TNFRSF10A: variants seen among roughly 807,000 people sequenced by gnomAD.
TNFRSF10A encodes tumor necrosis factor receptor superfamily member 10A.
In TNFRSF10A, 44 loss-of-function variants were observed where a neutral mutation model predicts 42.8. The observed-to-expected ratio is 1.03, with a 90% CI of 0.81 to 1.32. The LOEUF (loss-of-function observed/expected upper bound fraction) is 1.32. Ranked by LOEUF, TNFRSF10A falls within the 40% of genes most tolerant of loss-of-function variation. The pLI is 0.00. For synonymous variants in TNFRSF10A, 259 were observed against 234.2 expected (o/e 1.11, Z -0.97); for missense variants, 680 against 602.0 (o/e 1.13, Z -1.36).
chr8:23,212,075 AAG>A (rs1801099793), intron 2 of TNFRSF10A, 39 bp downstream of exon 2: 1 of 1,548,356 alleles, frequency 6.5e-7, no homozygotes, highest in African/African-American at 1.4e-5. Context: ...GGGTAAGGAA[AAG>A]AGAGGTGTAA....
At chr8:23,214,027 C>G (rs1042745870) in intron 1 of TNFRSF10A, among the ~76,000 whole-genome samples, 1 of 151,756 alleles carries the variant, frequency 6.6e-6, no homozygotes, top group Non-Finnish European at 1.5e-5. Flanking sequence ...TGTCATCTGT[C>G]TCAAGATATT....
At position 23,199,341 on chromosome 8, in the gene TNFRSF10A, C is replaced by T; in HGVS notation, c.939G>A (p.Gln313=). The T allele has an allele frequency of 1.2e-6, 2 of 1,614,216 alleles. No individual in the cohort carries two copies. The highest frequency in any genetic ancestry group is 2.2e-5 in the East Asian group (1 of 44,886). Reference sequence around the variant, plus strand: ...CTGCCGGCTCCTGGCTTTCCATTTGCTGCTCAGAGACGAAAGTGGACAGCG... The same window carrying T: ...CTGCCGGCTCCTGGCTTTCCATTTGTTGCTCAGAGACGAAAGTGGACAGCG... ...ADSLSTFVSE[Q]QMESQEPADL... The change falls in exon 8 of 10, where the codon CAG becomes CAA. Residue 313 remains glutamine, a synonymous_variant. Transcript: ENST00000221132.
intron 1 of TNFRSF10A, among the ~76,000 whole-genome samples, chr8:23,212,764 A>G (rs1053555932): frequency 1.3e-5 from 2 of 152,232 alleles, no homozygotes; most frequent in African/African-American, 4.8e-5. Flanking sequence ...TATAATTCTT[A>G]TAGATCTTAC....
In TNFRSF10A at chr8:23,194,634, T is replaced by C. The variant is rs559603395; in HGVS notation, c.1087+2498A>G. ...TCTATATATTTAACTTTGAAGCTCT[T>C]AGGTGAGCACCTGATGTTCACTGGC... On this transcript the variant is annotated intron_variant, in intron 9 of 9. Transcript: ENST00000221132. 2.6e-5 allele frequency among the ~76,000 whole-genome samples: 4 copies of C among 152,330 alleles called. No individual in the cohort carries two copies. In the East Asian group the frequency reaches 7.7e-4, roughly 29 times the overall value.
rs141817256 is a variant in TNFRSF10A, at chr8:23,209,904, C to A, written c.403+2212G>T. Among the ~76,000 whole-genome samples, 343 of 152,196 alleles carry A rather than the reference C, an allele frequency of 2.3e-3. 4 individuals are homozygous for A. The highest frequency in any genetic ancestry group is 7.8e-3 in the African/African-American group (322 of 41,524). The stretch of plus-strand genomic sequence containing the variant: ...TGAGGACATGAGATGTGGGAGGGGC[C>A]AGGGGTGATAGGGTTTGGATACATT... On this transcript the variant is annotated intron_variant, in intron 2 of 9. Coordinates refer to ENST00000221132, the MANE Select transcript of TNFRSF10A (RefSeq NM_003844.4).
chr8:23,196,242 G>A (rs181993348), intron 9 of TNFRSF10A, among the ~76,000 whole-genome samples: 2 of 152,186 alleles, frequency 1.3e-5, no homozygotes, highest in Non-Finnish European at 2.9e-5. Context: ...CACCCAGGCT[G>A]GAGTGCAGTA....
At chr8:23,196,311 A>C (rs1039325841) in intron 9 of TNFRSF10A, among the ~76,000 whole-genome samples, 8 of 152,068 alleles carry the variant, frequency 5.3e-5, no homozygotes, top group African/African-American at 1.9e-4. Flanking sequence ...CTCCTGCCTC[A>C]GCCTCCCGAA....
chr8:23,208,487 T>C (rs4604437), intron 2 of TNFRSF10A, among the ~76,000 whole-genome samples: 72,045 of 151,664 alleles, frequency 0.48, 18,357 homozygotes, highest in East Asian at 0.98. Flanking sequence ...GACAGAGTCT[T>C]GCTCTGTTGC....
In TNFRSF10A at chr8:23,201,828, C is replaced by T. The variant is rs1393722797; in HGVS notation, c.609G>A (p.Met203Ile). Residue 203 changes from methionine to isoleucine, a missense_variant, in exon 4 of 10, where the codon ATG becomes ATA. Coordinates refer to ENST00000221132, the MANE Select transcript of TNFRSF10A (RefSeq NM_003844.4). Reference sequence around the variant, plus strand: ...CTCACCCTCTGCTGCACTTCCGGCACATCTCAGCAGAATTGTCATTCCGGA... The same window carrying T: ...CTCACCCTCTGCTGCACTTCCGGCATATCTCAGCAGAATTGTCATTCCGGA... ...GTFRNDNSAE[M>I]CRKCSRGCPR... is the part of the protein sequence containing the mutation. 3 of 1,614,204 alleles carry T rather than the reference C, an allele frequency of 1.9e-6. No homozygotes were observed. Among genetic ancestry groups the T allele is most frequent in the Admixed American group, 1.7e-5 (1 of 60,028 alleles).
In TNFRSF10A at chr8:23,209,061, G is replaced by A. The variant is rs145127088; in HGVS notation, c.403+3055C>T. On this transcript the variant is annotated intron_variant, in intron 2 of 9. Transcript: ENST00000221132. ...TAGGGACTTGGTGCCCTACATTCCA[G>A]CCACTCCAGCTGTGACTAAAAGGGG... Among the ~76,000 whole-genome samples the A allele has an allele frequency of 4.7e-3, 718 of 152,282 alleles. 5 individuals are homozygous for A. The highest frequency in any genetic ancestry group is 9.9e-3 in the Admixed American group (151 of 15,292).
At position 23,224,610 on chromosome 8, in the gene TNFRSF10A, C is replaced by A. The variant is rs558521922; in HGVS notation, c.306+146G>T. 6 of 1,125,866 alleles carry A rather than the reference C, an allele frequency of 5.3e-6. No individual in the cohort carries two copies. The Admixed American group carries it at 8.8e-5, about 17-fold the overall frequency. 69.7% of individuals were successfully genotyped at this position (1,125,866 alleles called of 1,614,324 possible). A position where few individuals can be genotyped will look rare whatever the true frequency, so the allele number is the denominator to read the frequency against. On this transcript the variant is annotated intron_variant, in intron 1 of 9. Coordinates refer to ENST00000221132, the MANE Select transcript of TNFRSF10A (RefSeq NM_003844.4). ...GGCCCCGGGGACCCCGTTCTTCCTC[C>A]GACTCCGACGACGGGCTCCTCCTGC... is the stretch of plus-strand genomic sequence containing the variant.
In TNFRSF10A at chr8:23,191,940, C is replaced by T; in HGVS notation, c.1161G>A (p.Leu387=). The change falls in exon 10 of 10, where the codon CTG becomes CTA. Residue 387 remains leucine (L), a synonymous_variant. Coordinates refer to ENST00000221132, the MANE Select transcript of TNFRSF10A (RefSeq NM_003844.4). ...CATCGATCTCATTTTTCGTGAGGTC[C>T]AGCTGCCTCATGAGCTGGTCCCAGG... ...FDSWDQLMRQ[L]DLTKNEIDVV... 1 of 1,614,186 alleles carries T rather than the reference C, an allele frequency of 6.2e-7. No individual in the cohort carries two copies. The highest frequency in any genetic ancestry group is 8.5e-7 in the Non-Finnish European group (1 of 1,180,036).
chr8:23,197,367 C>T (rs1412272718), intron 8 of TNFRSF10A, 163 bp from the exon 9 acceptor site: 9 of 725,780 alleles, frequency 1.2e-5, no homozygotes, highest in Non-Finnish European at 2.1e-5. Flanking sequence ...CTCACAGCCA[C>T]TCCCCATTGC....
chr8:23,198,404 C>T (rs1310370499), intron 8 of TNFRSF10A, among the ~76,000 whole-genome samples: 1 of 152,082 alleles, frequency 6.6e-6, no homozygotes, highest in South Asian at 2.1e-4. Flanking sequence ...ACAGATTTCA[C>T]TGGTTAAAAA....
At chr8:23,195,196 G>A (rs1800806130) in intron 9 of TNFRSF10A, among the ~76,000 whole-genome samples, 1 of 152,140 alleles carries the variant, frequency 6.6e-6, no homozygotes. Context: ...TGTTCATAAA[G>A]ATTGTGATTG....
At position 23,191,706 on chromosome 8, in the gene TNFRSF10A, C is replaced by G; in HGVS notation, c.1395G>C (p.Val465=). ...TAAAAAGAGTCTTTCACTCCAAGGACACGGCAGAGCCTGTGCCATCTTCTA... is the reference window on the plus strand; with the variant it reads ...TAAAAAGAGTCTTTCACTCCAAGGAGACGGCAGAGCCTGTGCCATCTTCTA... The part of the protein sequence containing the change: ...IYLEDGTGSA[V]SLE The change falls in exon 10 of 10, where the codon GTG becomes GTC. Residue 465 remains valine (V), a synonymous_variant. Coordinates refer to ENST00000221132, the MANE Select transcript of TNFRSF10A (RefSeq NM_003844.4). 2 of 1,613,362 alleles carry G rather than the reference C, an allele frequency of 1.2e-6. No homozygotes were observed. The highest frequency in any genetic ancestry group is 1.7e-6 in the Non-Finnish European group (2 of 1,179,634).
At chr8:23,192,584 G>T (rs1434672260) in intron 9 of TNFRSF10A, among the ~76,000 whole-genome samples, 1 of 152,196 alleles carries the variant, frequency 6.6e-6, no homozygotes, top group Non-Finnish European at 1.5e-5. Flanking sequence ...GAAATGAGAT[G>T]TGTGTGCAAA....
At chr8:23,204,141 T>C (rs1325995122) in intron 2 of TNFRSF10A, among the ~76,000 whole-genome samples, 1 of 152,104 alleles carries the variant, frequency 6.6e-6, no homozygotes, top group Non-Finnish European at 1.5e-5. Context: ...AATATGATTA[T>C]TCAGTAATGG....
Position 23,191,798 on chromosome 8 carries a change from T to A in TNFRSF10A, c.1303A>T (p.Met435Leu). 1 of 1,614,094 alleles carries A rather than the reference T, an allele frequency of 6.2e-7. No homozygotes were observed. Among genetic ancestry groups the A allele is most frequent in the South Asian group, 1.1e-5 (1 of 91,076 alleles). ...TTCTCTCTTGCATGTCTCTCTTCCA[T>A]CCTCTCCAAGGCATCCAGCAGGGTG... ...IHTLLDALER[M>L]EERHAREKIQ... The change falls in exon 10 of 10, where the codon ATG (methionine) becomes TTG (leucine). Residue 435 changes from methionine (M) to leucine (L), a missense_variant. By Grantham distance (15) the Met-to-Leu change is conservative. Transcript: ENST00000221132.
Sources: allele counts gnomAD v4.1 joint callset (sites outside exome capture counted in the v4.1 genomes callset), GRCh38; gene constraint gnomAD v4.1.1; transcripts MANE v1.5; gene names NCBI Gene and HGNC (gene_info 2026-07-23, HGNC 2026-07-21).